The following ZNF331 variants were observed in gnomAD, a reference collection of about 807,000 sequenced individuals.
The protein encoded by ZNF331 is zinc finger protein 331.
In ZNF331, 2 loss-of-function variants were observed where a neutral mutation model predicts 7.0. The observed-to-expected ratio is 0.29, with a 90% CI of 0.12 to 0.90. The LOEUF (loss-of-function observed/expected upper bound fraction) is 0.90, where lower values mean the gene tolerates loss of function less well. Among genes scored for constraint, ZNF331 ranks in the 40% least tolerant of loss-of-function variants. The probability of loss-of-function intolerance (pLI) is 0.58; values close to 1 mark genes in which losing one functional copy is unlikely to be tolerated. For missense variants in ZNF331, 432 were observed against 587.7 expected (o/e 0.74, Z 2.74); for synonymous variants, 196 against 205.4 (o/e 0.95, Z 0.39).
chr19:53,551,510 C>T (rs2089007930), intron 2 of ZNF331, among the ~76,000 whole-genome samples: 1 of 152,072 alleles, frequency 6.6e-6, no homozygotes, highest in Non-Finnish European at 1.5e-5. Context: ...TTTTGGAAAA[C>T]CTCTCATATA....
intron 3 of ZNF331, among the ~76,000 whole-genome samples, chr19:53,559,435 T>C (rs538686602): frequency 4.0e-5 from 6 of 148,584 alleles, no homozygotes; most frequent in African/African-American, 1.3e-4. Flanking sequence ...ACACACACCA[T>C]ATATACATAT....
chr19:53,525,902 T>C (rs535816302), intron 2 of ZNF331, among the ~76,000 whole-genome samples: 2 of 152,344 alleles, frequency 1.3e-5, no homozygotes, highest in African/African-American at 4.8e-5. Context: ...ATTATGATGT[T>C]AGCTATGTGC....
In ZNF331 at chr19:53,577,105, C is replaced by T; in HGVS notation, c.545C>T (p.Thr182Ile). 1 of 1,614,026 alleles carries T rather than the reference C, an allele frequency of 6.2e-7. No homozygotes were observed. Among genetic ancestry groups the T allele is most frequent in the Non-Finnish European group, 8.5e-7 (1 of 1,179,992 alleles). Residue 182 changes from threonine (T) to isoleucine (I), a missense_variant, in exon 6 of 6, where the codon ACT (threonine) becomes ATT (isoleucine). This residue lies in a region of ZNF331 where 312 missense variants were observed against 448.6 expected (regional missense o/e 0.70). Coordinates refer to ENST00000449416, the MANE Select transcript of ZNF331 (RefSeq NM_001079906.2). ...CTTACTCAACATCAAAAAATTCATA[C>T]TGGGGAGAAGCCCTACGAATGTAAA... Reference protein sequence around the residue: ...NQLTQHQKIHTGEKPYECKDC... With the variant: ...NQLTQHQKIHIGEKPYECKDC...
chr19:53,561,045 C>G (rs1381703471), intron 3 of ZNF331, among the ~76,000 whole-genome samples: 1 of 152,094 alleles, frequency 6.6e-6, no homozygotes, highest in African/African-American at 2.4e-5. Context: ...GTGGTCCCAG[C>G]TACTAGGGAC....
At chr19:53,564,250 T>C (rs1392409084) in intron 3 of ZNF331, among the ~76,000 whole-genome samples, 1 of 151,722 alleles carries the variant, frequency 6.6e-6, no homozygotes. Flanking sequence ...AAAACATCTC[T>C]GTCCAGATTA....
chr19:53,508,824 G>T, the ZNF331 span, among the ~76,000 whole-genome samples: 6 of 152,230 alleles, frequency 3.9e-5, no homozygotes, highest in Non-Finnish European at 5.9e-5. Context: ...GTTTCACCTT[G>T]CTCTTAGGGA....
At chr19:53,562,554 G>C (rs568550709) in intron 3 of ZNF331, among the ~76,000 whole-genome samples, 3 of 151,846 alleles carry the variant, frequency 2.0e-5, no homozygotes, top group African/African-American at 7.2e-5. Flanking sequence ...GCCAAGCATG[G>C]TGGCAAGCGC....
chr19:53,534,339 G>A (rs1184892450), upstream of ZNF331, among the ~76,000 whole-genome samples: 1 of 151,914 alleles, frequency 6.6e-6, no homozygotes, highest in African/African-American at 2.4e-5. Flanking sequence ...CTGGGCTGGA[G>A]TGCAGTGGCA....
At chr19:53,565,369 A>T (rs1309616798) in intron 3 of ZNF331, among the ~76,000 whole-genome samples, 1 of 151,916 alleles carries the variant, frequency 6.6e-6, no homozygotes, top group Non-Finnish European at 1.5e-5. Context: ...TCCTTTTTAA[A>T]TTTTTTGTAG....
In ZNF331 at chr19:53,560,572, C is replaced by T. The variant is rs1395391460; in HGVS notation, c.-74+4664C>T. Among the ~76,000 whole-genome samples, 2 of 152,146 alleles carry T rather than the reference C, an allele frequency of 1.3e-5. No individual in the cohort carries two copies. Among genetic ancestry groups the T allele is most frequent in the Non-Finnish European group, 2.9e-5 (2 of 68,020 alleles). On this transcript the variant is annotated intron_variant, in intron 3 of 5. Coordinates refer to ENST00000449416, the MANE Select transcript of ZNF331 (RefSeq NM_001079906.2). The surrounding 1 kb of genome is among the most constrained non-coding windows in gnomAD (Gnocchi z 4.3). ...TGTAGATTATTGGCGTCATACAACACAAATGTATTATCTTACTGTCATAGA... is the reference window on the plus strand; with the variant it reads ...TGTAGATTATTGGCGTCATACAACATAAATGTATTATCTTACTGTCATAGA...
chr19:53,553,691 T>C (rs895409231), intron 2 of ZNF331, among the ~76,000 whole-genome samples: 11 of 152,238 alleles, frequency 7.2e-5, no homozygotes, highest in African/African-American at 2.7e-4. Flanking sequence ...AACTGCTGCC[T>C]GTACATTGTT....
At chr19:53,505,785 G>A in the ZNF331 span, among the ~76,000 whole-genome samples, 6 of 152,054 alleles carry the variant, frequency 3.9e-5, no homozygotes, top group African/African-American at 9.7e-5. Context: ...AAGAGATCGA[G>A]ACCATCCTGG....
the ZNF331 span, among the ~76,000 whole-genome samples, chr19:53,514,019 T>C: frequency 2.0e-5 from 3 of 152,220 alleles, no homozygotes; most frequent in African/African-American, 4.8e-5. Flanking sequence ...AGGGTATATA[T>C]GGTTTAACAT....
intron 2 of ZNF331, among the ~76,000 whole-genome samples, chr19:53,529,316 C>A (rs983829293): frequency 6.6e-6 from 1 of 151,280 alleles, no homozygotes; most frequent in Admixed American, 6.6e-5. Context: ...AGGAGAATGG[C>A]GTGAACCCGG....
chr19:53,518,583 C>T (rs184980552), upstream of ZNF331, among the ~76,000 whole-genome samples: 26 of 152,306 alleles, frequency 1.7e-4, no homozygotes, highest in Admixed American at 3.9e-4. Flanking sequence ...GCCATAGACA[C>T]GCAGGCTCAA....
At position 53,578,323 on chromosome 19, in the gene ZNF331, G is replaced by T. The variant is rs2090810372; in HGVS notation, c.*371G>T. On this transcript the variant is annotated 3_prime_UTR_variant, in exon 6 of 6. Coordinates refer to ENST00000449416, the MANE Select transcript of ZNF331 (RefSeq NM_001079906.2). ...GCAGGAGTAGTGATGCTGGTGATTC[G>T]GATATGCCAAAGAGAAGCCACAAAG... 1 of 250,950 alleles carries T rather than the reference G, an allele frequency of 4.0e-6. No homozygotes were observed. Among genetic ancestry groups the T allele is most frequent in the Non-Finnish European group, 7.8e-6 (1 of 128,230 alleles). The allele number at this position is 250,950 out of a possible 1,614,324, so 15.5% of individuals were successfully genotyped here.
the ZNF331 span, among the ~76,000 whole-genome samples, chr19:53,513,982 T>G: frequency 6.6e-6 from 1 of 152,166 alleles, no homozygotes; most frequent in Non-Finnish European, 1.5e-5. Context: ...CCTTATATAT[T>G]TTGGATATAA....
the ZNF331 span, among the ~76,000 whole-genome samples, chr19:53,506,440 CTCTG>C: frequency 7.0e-3 from 463 of 66,430 alleles, 6 homozygotes; most frequent in Middle Eastern, 0.016. Flanking sequence ...CTCTCTCTCT[CTCTG>C]TCTCTCTCTC....
rs750322214 is a variant in ZNF331 at position 53,577,946 on chromosome 19, C to T, written c.1386C>T (p.Asn462=). The change falls in exon 6 of 6, where the codon AAC becomes AAT. Residue 462 remains asparagine, a synonymous_variant. Coordinates refer to ENST00000449416, the MANE Select transcript of ZNF331 (RefSeq NM_001079906.2). ...NHLREHQRIH[N]S is the part of the protein sequence containing the mutation. The stretch of plus-strand genomic sequence containing the variant: ...TCCGAGAACATCAGAGGATCCACAA[C>T]AGTTGAAGAGCCTTTTGAACGCAGT... 3.1e-6 allele frequency: 5 copies of T among 1,609,642 alleles called. No homozygotes were observed. The highest frequency in any genetic ancestry group is 4.2e-6 in the Non-Finnish European group (5 of 1,177,032).
Sources: allele counts gnomAD v4.1 joint callset (sites outside exome capture counted in the v4.1 genomes callset), GRCh38; gene constraint gnomAD v4.1.1; regional missense constraint gnomAD v4.1.1; non-coding constraint Gnocchi (gnomAD v3.1); transcripts MANE v1.5; gene names NCBI Gene and HGNC (gene_info 2026-07-23, HGNC 2026-07-21).